The following ADGRF5 variants were observed in gnomAD, a reference collection of about 807,000 sequenced individuals.
The protein encoded by ADGRF5 is adhesion G protein-coupled receptor F5, also known as G-protein coupled receptor 116.
ADGRF5 carries 75 observed loss-of-function variants against 132.3 expected under a neutral mutation model. The ratio of observed to expected loss-of-function variants is 0.57; its 90% CI spans 0.47 to 0.69. ADGRF5 has a LOEUF of 0.69. Among genes scored for constraint, ADGRF5 ranks in the 30% least tolerant of loss-of-function variants. The pLI is 0.00. For missense variants in ADGRF5, 1,516 were observed against 1,630.6 expected, an observed-to-expected ratio of 0.93 and a Z score of 1.21; for synonymous variants, 629 against 597.6, an observed-to-expected ratio of 1.05 and a Z score of -0.77.
chr6:46,877,322 C>CTTCTTTCTTTCT (rs201240602), intron 10 of ADGRF5, among the ~76,000 whole-genome samples: 1 of 30,284 alleles, frequency 3.3e-5, no homozygotes, highest in Non-Finnish European at 7.0e-5. Flanking sequence ...TCCTTCCTTC[C>CTTCTTTCTTTCT]TTCTTTCTTT....
intron 3 of ADGRF5, among the ~76,000 whole-genome samples, chr6:46,895,769 C>T (rs1377987363): frequency 1.3e-5 from 2 of 151,600 alleles, no homozygotes; most frequent in Non-Finnish European, 1.5e-5. Flanking sequence ...GAGAACTTGG[C>T]CAGTTGATAT....
At chr6:46,915,041 A>G (rs565235214) in intron 1 of ADGRF5, among the ~76,000 whole-genome samples, 118 of 151,680 alleles carry the variant, frequency 7.8e-4, no homozygotes, top group African/African-American at 2.8e-3. Context: ...TTTTTAGTAG[A>G]GATGGGGTTT....
chr6:46,920,864 AAAAAAT>A (rs1391508178), intron 1 of ADGRF5, among the ~76,000 whole-genome samples: 2 of 152,156 alleles, frequency 1.3e-5, no homozygotes, highest in African/African-American at 4.8e-5. Context: ...CTCCATCTCA[AAAAAAT>A]AAAAATAAAA....
chr6:46,866,889 TAATATACCCTAAC>T, intron 13 of ADGRF5, 23 bp downstream of exon 13: 6 of 1,311,792 alleles, frequency 4.6e-6, no homozygotes, highest in Non-Finnish European at 6.6e-6. Flanking sequence ...ATATGTGAAA[TAATATACCCTAAC>T]AATTCAGCAA....
intron 8 of ADGRF5, among the ~76,000 whole-genome samples, chr6:46,880,984 C>T (rs1289005796): frequency 6.6e-6 from 1 of 151,922 alleles, no homozygotes; most frequent in Non-Finnish European, 1.5e-5. Flanking sequence ...CCTGTGGCCC[C>T]AGCTACCCTA....
chr6:46,931,792 C>A (rs547858801), intron 1 of ADGRF5, among the ~76,000 whole-genome samples: 1 of 152,316 alleles, frequency 6.6e-6, no homozygotes, highest in African/African-American at 2.4e-5. Context: ...GAATGACTAA[C>A]ATCTGTAATC....
At chr6:46,936,586 A>G (rs1292514543) in intron 1 of ADGRF5, among the ~76,000 whole-genome samples, 1 of 151,878 alleles carries the variant, frequency 6.6e-6, no homozygotes, top group East Asian at 1.9e-4. Flanking sequence ...ACATTTATTG[A>G]AAATCTACAC....
At chr6:46,879,783 C>A in intron 9 of ADGRF5, 35 bp downstream of exon 9, 1 of 1,365,862 alleles carries the variant, frequency 7.3e-7, no homozygotes, top group South Asian at 1.2e-5. Flanking sequence ...GCTCTTCATT[C>A]CATTCCTCAC....
intron 1 of ADGRF5, among the ~76,000 whole-genome samples, chr6:46,918,755 T>C (rs1776639602): frequency 6.6e-6 from 1 of 152,228 alleles, no homozygotes; most frequent in Non-Finnish European, 1.5e-5. Flanking sequence ...TGTGCAGATG[T>C]GTCTGTTCCT....
intron 17 of ADGRF5, among the ~76,000 whole-genome samples, chr6:46,857,723 C>T (rs1276197091): frequency 2.0e-5 from 3 of 152,142 alleles, no homozygotes; most frequent in African/African-American, 4.8e-5. Context: ...TATTGAGAAC[C>T]TACTCTGTAC....
chr6:46,854,832 C>T, intron 20 of ADGRF5: 1 of 832,456 alleles, frequency 1.2e-6, no homozygotes, highest in Non-Finnish European at 1.7e-6. Context: ...CAAACATGCC[C>T]AATTGGGACT....
intron 6 of ADGRF5, among the ~76,000 whole-genome samples, chr6:46,882,535 G>A (rs570252899): frequency 4.6e-4 from 70 of 152,320 alleles, no homozygotes; most frequent in Admixed American, 1.0e-3. Flanking sequence ...GGGAGCAGCG[G>A]TGATGGTCGT....
intron 3 of ADGRF5, among the ~76,000 whole-genome samples, chr6:46,895,255 C>A (rs1325817748): frequency 2.6e-5 from 4 of 151,924 alleles, no homozygotes; most frequent in Non-Finnish European, 4.4e-5. Flanking sequence ...AAAAGAAAAA[C>A]ATTAATCAGA....
rs774319354 is a variant in ADGRF5 at position 46,888,324 on chromosome 6, C to A, written c.328+11G>T. 1.3e-6 allele frequency: 2 copies of A among 1,580,416 alleles called. No individual in the cohort carries two copies. Among genetic ancestry groups the A allele is most frequent in the Admixed American group, 3.3e-5 (2 of 59,930 alleles). The stretch of plus-strand genomic sequence containing the variant: ...AATCATTTATTCTGAAGCAATGGGT[C>A]TCTTACTCACCTGTTGTCACATTTA... On this transcript the variant is annotated intron_variant, in intron 4 of 20. Coordinates refer to ENST00000283296, the MANE Select transcript of ADGRF5 (RefSeq NM_001098518.2).
rs557977334 is a variant in ADGRF5 at position 46,952,299 on chromosome 6, T to C, written c.-25+2435A>G. Among the ~76,000 whole-genome samples the C allele has an allele frequency of 1.3e-4, 20 of 152,264 alleles. No homozygotes were observed. The East Asian group carries it at 3.7e-3, about 28-fold the overall frequency. The stretch of plus-strand genomic sequence containing the variant: ...CCTTAATACTTCCATGAAAGAGAGG[T>C]AGCATAGAGGATGACAAAAAGTAAG... On this transcript the variant is annotated intron_variant, in intron 1 of 20. Transcript: ENST00000265417.
chr6:46,929,380 A>G (rs1405922890), intron 1 of ADGRF5, among the ~76,000 whole-genome samples: 1 of 152,092 alleles, frequency 6.6e-6, no homozygotes, highest in Non-Finnish European at 1.5e-5. Flanking sequence ...ATTAGGAGAT[A>G]TACCTAATGC....
chr6:46,880,603 C>T (rs1023816969), intron 8 of ADGRF5, among the ~76,000 whole-genome samples: 2 of 152,100 alleles, frequency 1.3e-5, no homozygotes, highest in African/African-American at 4.8e-5. Context: ...GATTTGAATC[C>T]TGGTTCTGTC....
At chr6:46,945,374 G>A (rs1778263996) in intron 1 of ADGRF5, among the ~76,000 whole-genome samples, 1 of 152,166 alleles carries the variant, frequency 6.6e-6, no homozygotes, top group Admixed American at 6.5e-5. Context: ...AAGAGAACAA[G>A]ATGTTATTTC....
chr6:46,887,690 A>G (rs1242210447), intron 4 of ADGRF5, among the ~76,000 whole-genome samples: 2 of 152,210 alleles, frequency 1.3e-5, no homozygotes, highest in Admixed American at 6.5e-5. Flanking sequence ...AGTGCTTTCC[A>G]ATTTAAAAAA....
Sources: gnomAD v4.1 joint callset for allele counts (sites outside exome capture counted in the v4.1 genomes callset) on GRCh38, gnomAD v4.1.1 for gene constraint, MANE v1.5 for transcripts, NCBI Gene and HGNC (gene_info 2026-07-23, HGNC 2026-07-21) for gene names.